PTPRN: variants seen among roughly 807,000 people sequenced by gnomAD.
PTPRN encodes the protein receptor-type tyrosine-protein phosphatase-like N.
Under a neutral mutation model 108.5 loss-of-function variants are expected in PTPRN, and 70 were observed. The ratio of observed to expected loss-of-function variants is 0.65; its 90% CI spans 0.53 to 0.79. PTPRN has a LOEUF of 0.79. Among genes scored for constraint, PTPRN ranks in the 30% least tolerant of loss-of-function variants. The probability of loss-of-function intolerance (pLI) is 0.00; values close to 1 mark genes in which losing one functional copy is unlikely to be tolerated. For synonymous variants in PTPRN, 496 were observed against 524.6 expected (o/e 0.95, Z 0.75); for missense variants, 1,136 against 1,295.5 (o/e 0.88, Z 1.89).
chr2:219,291,595 G>A (rs1347224743), intron 19 of PTPRN, 72 bp from the exon 20 acceptor site: 23 of 1,447,068 alleles, frequency 1.6e-5, no homozygotes, highest in Admixed American at 5.1e-5. Context: ...AACACATGAC[G>A]TGGGCCTCTC....
chr2:219,307,466 C>A lies in PTPRN; in HGVS notation c.258G>T (p.Val86=), dbSNP rs1271386751. The change falls in exon 3 of 23, where the codon GTG becomes GTT. Residue 86 remains valine, a synonymous_variant. Coordinates refer to ENST00000295718, the MANE Select transcript of PTPRN (RefSeq NM_002846.4). ...TACCTTGGGACATGAGTTGTCGGAGCACACCTTGTAAGCGTTGGAGAACTG... is the reference window on the plus strand; with the variant it reads ...TACCTTGGGACATGAGTTGTCGGAGAACACCTTGTAAGCGTTGGAGAACTG... ...TSPVLQRLQG[V]LRQLMSQGLS... 1 of 1,614,028 alleles carries A rather than the reference C, an allele frequency of 6.2e-7. No homozygotes were observed. Among genetic ancestry groups the A allele is most frequent in the African/African-American group, 1.3e-5 (1 of 74,932 alleles).
rs941875123 is a variant in PTPRN, at chr2:219,301,097, G to T, written c.1127-120C>A. ...AACATTTGCTGTGGTCTTCATCTCA[G>T]TCAGTGACCAAGACCCTGTTACTGG... On this transcript the variant is annotated intron_variant, in intron 7 of 22. Coordinates refer to ENST00000295718, the MANE Select transcript of PTPRN (RefSeq NM_002846.4). 4 of 980,876 alleles carry T rather than the reference G, an allele frequency of 4.1e-6. No homozygotes were observed. The African/African-American group carries it at 6.4e-5, about 16-fold the overall frequency. 60.8% of individuals were successfully genotyped at this position (980,876 alleles called of 1,614,324 possible). A position where few individuals can be genotyped will look rare whatever the true frequency, so the allele number is the denominator to read the frequency against.
chr2:219,296,178 TC>T lies in PTPRN; in HGVS notation c.2508+47del. The T allele has an allele frequency of 6.2e-7, 1 of 1,604,886 alleles. No homozygotes were observed. The highest frequency in any genetic ancestry group is 8.5e-7 in the Non-Finnish European group (1 of 1,172,108). On this transcript the variant is annotated intron_variant, in intron 18 of 22. Transcript: ENST00000295718. The surrounding 1 kb of genome is among the most constrained non-coding windows in gnomAD (Gnocchi z 6.0). ...AGAAAACGTTACGAAAAGGCCATCA[TC>T]TACTCTTCCCACATCCATTGTCCCC...
intron 3 of PTPRN, among the ~76,000 whole-genome samples, chr2:219,305,417 A>G (rs992570836): frequency 1.3e-5 from 2 of 151,674 alleles, no homozygotes; most frequent in Non-Finnish European, 2.9e-5. Context: ...TAATTTTTGT[A>G]TTTTTTGTAG....
intron 19 of PTPRN, 31 bp downstream of exon 19, chr2:219,294,943 CG>C: frequency 6.8e-7 from 1 of 1,478,180 alleles, no homozygotes; most frequent in Non-Finnish European, 9.0e-7. Flanking sequence ...CCCGCCCATG[CG>C]GTCCCTCCAG....
At chr2:219,298,480 G>A (rs1952258473) in intron 12 of PTPRN, among the ~76,000 whole-genome samples, 1 of 152,128 alleles carries the variant, frequency 6.6e-6, no homozygotes, top group Non-Finnish European at 1.5e-5. Flanking sequence ...AAAGGTTGGC[G>A]GATCACCTGA....
chr2:219,297,812 T>C lies in PTPRN; in HGVS notation c.1887+73A>G. 6.7e-7 allele frequency: 1 copy of C among 1,486,928 alleles called. No individual in the cohort carries two copies. Among genetic ancestry groups the C allele is most frequent in the Non-Finnish European group, 9.1e-7 (1 of 1,102,304 alleles). The allele number at this position is 1,486,928 out of a possible 1,614,324, so 92.1% of individuals were successfully genotyped here. A position where few individuals can be genotyped will look rare whatever the true frequency, so the allele number is the denominator to read the frequency against. On this transcript the variant is annotated intron_variant, in intron 13 of 22. Transcript: ENST00000295718. This position sits in a 1 kb window ranked among gnomAD's most constrained non-coding sequence, Gnocchi z 6.0. ...CTCACTCCCCATTCAGTTCCGACCC[T>C]TAGTCCACGCAAGACCCAGACTCCC...
intron 5 of PTPRN, 32 bp downstream of exon 5, chr2:219,302,544 C>T (rs773016414): frequency 7.4e-6 from 12 of 1,612,664 alleles, no homozygotes; most frequent in Admixed American, 3.3e-5. Flanking sequence ...TGAGGGACTG[C>T]GGTTGGGGTG....
chr2:219,303,441 C>T (rs1462590233), intron 4 of PTPRN, among the ~76,000 whole-genome samples: 1 of 152,164 alleles, frequency 6.6e-6, no homozygotes, highest in Non-Finnish European at 1.5e-5. Context: ...AACTTCAGTC[C>T]AACAGCATTC....
intron 3 of PTPRN, among the ~76,000 whole-genome samples, chr2:219,305,621 C>A (rs1028312242): frequency 6.6e-6 from 1 of 152,128 alleles, no homozygotes; most frequent in Non-Finnish European, 1.5e-5. Flanking sequence ...TTATCTCATC[C>A]ACCTCATGGG....
rs753827350 is a variant in PTPRN, at chr2:219,290,116, G to A, written c.*110C>T. ...CTTCCTGACTCTTCTAGGAAGGGCT[G>A]AGCATGCCCAAGAGGTGGCTGGTGG... On this transcript the variant is annotated 3_prime_UTR_variant, in exon 23 of 23. Transcript: ENST00000295718. This position sits in a 1 kb window ranked among gnomAD's most constrained non-coding sequence, Gnocchi z 4.2. 2 of 1,048,890 alleles carry A rather than the reference G, an allele frequency of 1.9e-6. No individual in the cohort carries two copies. Among genetic ancestry groups the A allele is most frequent in the Non-Finnish European group, 1.5e-6 (1 of 685,106 alleles). 65.0% of individuals were successfully genotyped at this position (1,048,890 alleles called of 1,614,324 possible).
At position 219,297,910 on chromosome 2, in the gene PTPRN, T is replaced by C; in HGVS notation, c.1862A>G (p.His621Arg). The C allele has an allele frequency of 1.2e-6, 2 of 1,611,586 alleles. No homozygotes were observed. Among genetic ancestry groups the C allele is most frequent in the Non-Finnish European group, 8.5e-7 (1 of 1,179,570 alleles). ...CTGGTACTCAAAGGTAGTGTCACCA[T>C]GGGCCCCCTCAGGCCCCAGGGCTGC... Reference protein sequence around the residue: ...RLAALGPEGAHGDTTFEYQDL... With the variant: ...RLAALGPEGARGDTTFEYQDL... The change falls in exon 13 of 23, where the codon CAT becomes CGT. Residue 621 changes from histidine to arginine, a missense_variant. Coordinates refer to ENST00000295718, the MANE Select transcript of PTPRN (RefSeq NM_002846.4). The surrounding 1 kb of genome is among the most constrained non-coding windows in gnomAD (Gnocchi z 6.0).
At chr2:219,301,917 C>T (rs76807993) in intron 6 of PTPRN, among the ~76,000 whole-genome samples, 198 bp from the exon 7 acceptor site, 2,314 of 152,274 alleles carry the variant, frequency 0.015, 33 homozygotes, top group South Asian at 0.038. Flanking sequence ...GATCAAACTT[C>T]AGGACATCTT....
At position 219,309,371 on chromosome 2, in the gene PTPRN, G is replaced by C. The variant is rs924795038; in HGVS notation, c.-39C>G. On this transcript the variant is annotated 5_prime_UTR_variant, in exon 1 of 23. Transcript: ENST00000295718. Reference sequence around the variant, plus strand: ...GGGCGCTCGCTCCCGGGCCGGAGCCGCAGCGACGCTGGCGGGAGCCTGCCA... The same window carrying C: ...GGGCGCTCGCTCCCGGGCCGGAGCCCCAGCGACGCTGGCGGGAGCCTGCCA... 5.3e-6 allele frequency: 6 copies of C among 1,125,228 alleles called. No homozygotes were observed. Among genetic ancestry groups the C allele is most frequent in the African/African-American group, 1.7e-5 (1 of 60,180 alleles). 69.7% of individuals were successfully genotyped at this position (1,125,228 alleles called of 1,614,324 possible). A position where few individuals can be genotyped will look rare whatever the true frequency, so the allele number is the denominator to read the frequency against.
intron 10 of PTPRN, 156 bp downstream of exon 10, chr2:219,299,544 G>T: frequency 1.8e-6 from 2 of 1,134,244 alleles, no homozygotes; most frequent in Non-Finnish European, 2.6e-6. Flanking sequence ...GGTGGGGCCA[G>T]CAACGGGCTG....
intron 19 of PTPRN, 97 bp downstream of exon 19, chr2:219,294,878 C>T: frequency 2.4e-6 from 3 of 1,268,732 alleles, no homozygotes; most frequent in African/African-American, 3.2e-5. Context: ...GAGGCCGAGG[C>T]TCCAGGCCCG....
chr2:219,298,982 C>T (rs544308723), intron 12 of PTPRN, 65 bp downstream of exon 12: 4 of 1,591,426 alleles, frequency 2.5e-6, no homozygotes, highest in East Asian at 2.2e-5. Flanking sequence ...TCTGGTTTGC[C>T]TCCAGCTCTT....
chr2:219,290,054 A>G lies in PTPRN; in HGVS notation c.*172T>C, dbSNP rs978123769. On this transcript the variant is annotated 3_prime_UTR_variant, in exon 23 of 23. Transcript: ENST00000295718. This position sits in a 1 kb window ranked among gnomAD's most constrained non-coding sequence, Gnocchi z 4.2. ...GCTCTGGGATGCCCCAGGCTCTGGCATGCGAGGCTGGGCAGGCGTGCCCCT... is the reference window on the plus strand; with the variant it reads ...GCTCTGGGATGCCCCAGGCTCTGGCGTGCGAGGCTGGGCAGGCGTGCCCCT... The G allele has an allele frequency of 4.2e-5, 27 of 642,288 alleles. No individual in the cohort carries two copies. The African/African-American group carries it at 5.0e-4, about 12-fold the overall frequency. The allele number at this position is 642,288 out of a possible 1,614,324, so 39.8% of individuals were successfully genotyped here.
In PTPRN at chr2:219,297,521, C is replaced by T. The variant is rs1283636729; in HGVS notation, c.1888-88G>A. On this transcript the variant is annotated intron_variant, in intron 13 of 22. Coordinates refer to ENST00000295718, the MANE Select transcript of PTPRN (RefSeq NM_002846.4). The surrounding 1 kb of genome is among the most constrained non-coding windows in gnomAD (Gnocchi z 6.0). ...TTCAACTCTGGGCTCCTAGGCTTGC[C>T]CTTGACTGATTTTCAGTGGAACTCA... 2 of 1,317,106 alleles carry T rather than the reference C, an allele frequency of 1.5e-6. No individual in the cohort carries two copies. Among genetic ancestry groups the T allele is most frequent in the African/African-American group, 1.5e-5 (1 of 68,604 alleles). 81.6% of individuals were successfully genotyped at this position (1,317,106 alleles called of 1,614,324 possible). A position where few individuals can be genotyped will look rare whatever the true frequency, so the allele number is the denominator to read the frequency against.
Sources: gnomAD v4.1 joint callset for allele counts (sites outside exome capture counted in the v4.1 genomes callset) on GRCh38, gnomAD v4.1.1 for gene constraint, Gnocchi (gnomAD v3.1) non-coding constraint, MANE v1.5 for transcripts, NCBI Gene and HGNC (gene_info 2026-07-23, HGNC 2026-07-21) for gene names.